The following LRRC34 variants were observed in gnomAD, a reference collection of about 807,000 sequenced individuals.
The protein encoded by LRRC34 is leucine-rich repeat-containing protein 34.
In LRRC34, 44 loss-of-function variants were observed where a neutral mutation model predicts 48.5. The observed-to-expected ratio is 0.91, with a 90% confidence interval of 0.71 to 1.17. The LOEUF (loss-of-function observed/expected upper bound fraction) is 1.17. LRRC34 is among the 50% of genes most tolerant of loss of function. The pLI, the probability that LRRC34 is intolerant of heterozygous loss-of-function variation, is 0.00. For missense variants in LRRC34, 502 were observed against 563.0 expected, an observed-to-expected ratio of 0.89 and a Z score of 1.10; for synonymous variants, 192 against 197.6, an observed-to-expected ratio of 0.97 and a Z score of 0.24.
chr3:169,807,327 C>A, intron 4 of LRRC34, 99 bp downstream of exon 4: 3 of 1,145,406 alleles, frequency 2.6e-6, no homozygotes, highest in South Asian at 1.3e-5. Flanking sequence ...AGAGTCAGGA[C>A]CCTTGACATC....
Position 169,796,309 on chromosome 3 carries a change from G to C in LRRC34, c.969C>G (p.Thr323=). Residue 323 remains threonine, a synonymous_variant, in exon 9 of 11, where the codon ACC becomes ACG. Coordinates refer to ENST00000446859, the MANE Select transcript of LRRC34 (RefSeq NM_001172779.2). ...TAAAGGAAAGATCTATTACTTCCAG[G>C]GTAGTGTTGCTTTTCAGTACATCAG... ...YLADVLKSNT[T]LEVIDLSFNR... is the part of the protein sequence containing the mutation. 3 of 1,611,982 alleles carry C rather than the reference G, an allele frequency of 1.9e-6. No individual in the cohort carries two copies. The highest frequency in any genetic ancestry group is 1.7e-6 in the Non-Finnish European group (2 of 1,179,292).
chr3:169,808,742 G>A lies in LRRC34; in HGVS notation c.143C>T (p.Ser48Phe), dbSNP rs1220276804. ...PGAALAVQRE[S>F]PESGLQKHYS... ...ATGTTTCTGGAGACCAGATTCTGGAGATTCTGAAAAATATATGCATCCTCT... is the reference window on the plus strand; with the variant it reads ...ATGTTTCTGGAGACCAGATTCTGGAAATTCTGAAAAATATATGCATCCTCT... The change falls in exon 2 of 11, where the codon TCT becomes TTT. Residue 48 changes from serine to phenylalanine, a missense_variant. Physicochemically the swap from Ser to Phe is radical, Grantham distance 155 (BLOSUM62 -2). Coordinates refer to ENST00000446859, the MANE Select transcript of LRRC34 (RefSeq NM_001172779.2). 7 of 1,531,834 alleles carry A rather than the reference G, an allele frequency of 4.6e-6. No individual in the cohort carries two copies. Among genetic ancestry groups the A allele is most frequent in the Non-Finnish European group, 3.6e-6 (4 of 1,116,468 alleles). 94.9% of individuals were successfully genotyped at this position (1,531,834 alleles called of 1,614,324 possible).
rs748213155 is a variant in LRRC34, at chr3:169,795,612, C to T, written c.1065-1G>A. On this transcript the variant is annotated splice_acceptor_variant, in intron 9 of 10. Coordinates refer to ENST00000446859, the MANE Select transcript of LRRC34 (RefSeq NM_001172779.2). LOFTEE classifies it high-confidence loss of function. Reference sequence around the variant, plus strand: ...TATGTTGTTGCTGACTACTGACAACCTGAAACCAATAATTCCACAAGGAAA... The same window carrying T: ...TATGTTGTTGCTGACTACTGACAACTTGAAACCAATAATTCCACAAGGAAA... 1.2e-6 allele frequency: 2 copies of T among 1,606,582 alleles called. No individual in the cohort carries two copies. Among genetic ancestry groups the T allele is most frequent in the East Asian group, 4.5e-5 (2 of 44,650 alleles).
chr3:169,793,757 A>G lies in LRRC34; in HGVS notation c.1273T>C (p.Tyr425His), dbSNP rs1452046295. ...VEPFVVDGRV[Y>H]LAEVSNGLKK... is the part of the protein sequence containing the mutation. ...AGGCCATTGGAGACTTCTGCAAGAT[A>G]TACACGTCCATCTACCACAAATGGC... Residue 425 changes from tyrosine (Y) to histidine (H), a missense_variant, in exon 11 of 11, where the codon TAT becomes CAT. Transcript: ENST00000446859. 6.2e-7 allele frequency: 1 copy of G among 1,613,550 alleles called. No individual in the cohort carries two copies. The highest frequency in any genetic ancestry group is 8.5e-7 in the Non-Finnish European group (1 of 1,179,726).
At position 169,812,595 on chromosome 3, in the gene LRRC34, T is replaced by C. The variant is rs1326614811; in HGVS notation, c.-47A>G. 7.0e-7 allele frequency: 1 copy of C among 1,421,466 alleles called. No homozygotes were observed. Among genetic ancestry groups the C allele is most frequent in the Non-Finnish European group, 9.1e-7 (1 of 1,094,986 alleles). 88.1% of individuals were successfully genotyped at this position (1,421,466 alleles called of 1,614,324 possible). ...AGTCCGCCTGCAGCTGTGAGGCGGCTACACGAGCCTCGGCGCCAGCCTGCT... is the reference window on the plus strand; with the variant it reads ...AGTCCGCCTGCAGCTGTGAGGCGGCCACACGAGCCTCGGCGCCAGCCTGCT... On this transcript the variant is annotated 5_prime_UTR_variant, in exon 1 of 11. Transcript: ENST00000446859. The surrounding 1 kb of genome is among the most constrained non-coding windows in gnomAD (Gnocchi z 4.3).
rs755897243 is a variant in LRRC34, at chr3:169,812,812, AAAG to A, written c.-267_-265del. The A allele has an allele frequency of 7.4e-5, 35 of 471,494 alleles. No individual in the cohort carries two copies. Among genetic ancestry groups the A allele is most frequent in the African/African-American group, 6.2e-5 (3 of 48,582 alleles). 29.2% of individuals were successfully genotyped at this position (471,494 alleles called of 1,614,324 possible). ...GCTGCTGAGCTAGGGCTGGGGCTACAAAGAAGATTATGACAAAGCCCGCTCCTA... is the reference window on the plus strand; with the variant it reads ...GCTGCTGAGCTAGGGCTGGGGCTACAAAGATTATGACAAAGCCCGCTCCTA... On this transcript the variant is annotated 5_prime_UTR_variant, in exon 1 of 11. Transcript: ENST00000446859. This position sits in a 1 kb window ranked among gnomAD's most constrained non-coding sequence, Gnocchi z 4.3.
chr3:169,793,416 G>C lies in LRRC34; in HGVS notation c.*219C>G, dbSNP rs1022358005. On this transcript the variant is annotated 3_prime_UTR_variant, in exon 11 of 11. Transcript: ENST00000446859. Reference sequence around the variant, plus strand: ...CTAGTTCCTTGGTCTCTTTCTCCAGGGTTAGAATTTTAGTCTCTATATTGT... The same window carrying C: ...CTAGTTCCTTGGTCTCTTTCTCCAGCGTTAGAATTTTAGTCTCTATATTGT... The C allele has an allele frequency of 7.3e-6, 3 of 409,216 alleles. No individual in the cohort carries two copies. Among genetic ancestry groups the C allele is most frequent in the African/African-American group, 6.2e-5 (3 of 48,530 alleles). 25.3% of individuals were successfully genotyped at this position (409,216 alleles called of 1,614,324 possible).
Position 169,795,613 on chromosome 3 carries a change from T to C in LRRC34, c.1065-2A>G. 6.2e-7 allele frequency: 1 copy of C among 1,606,440 alleles called. No individual in the cohort carries two copies. Among genetic ancestry groups the C allele is most frequent in the Non-Finnish European group, 8.5e-7 (1 of 1,175,170 alleles). On this transcript the variant is annotated splice_acceptor_variant, in intron 9 of 10. Coordinates refer to ENST00000446859, the MANE Select transcript of LRRC34 (RefSeq NM_001172779.2). LOFTEE classifies it high-confidence loss of function. ...ATGTTGTTGCTGACTACTGACAACC[T>C]GAAACCAATAATTCCACAAGGAAAG...
In LRRC34 at chr3:169,807,550, A is replaced by G. The variant is rs756336939; in HGVS notation, c.379+38T>C. The G allele has an allele frequency of 7.4e-6, 12 of 1,612,586 alleles. 1 individual carries two copies. Among genetic ancestry groups the G allele is most frequent in the East Asian group, 2.2e-5 (1 of 44,848 alleles). ...ATAAAGAATACTTAAAATCAGATCA[A>G]TGAAAAGCAGGAGGTATTGATTCTT... is the stretch of plus-strand genomic sequence containing the variant. On this transcript the variant is annotated intron_variant, in intron 3 of 10. Transcript: ENST00000446859.
intron 2 of LRRC34, 103 bp downstream of exon 2, chr3:169,808,524 CA>C: frequency 1.5e-6 from 1 of 660,194 alleles, no homozygotes; most frequent in East Asian, 2.7e-5. Context: ...TTCATTTTAC[CA>C]AGCATTTTCA....
intron 8 of LRRC34, 186 bp downstream of exon 8, chr3:169,796,559 G>T: frequency 2.3e-6 from 2 of 887,248 alleles, no homozygotes; most frequent in Non-Finnish European, 3.3e-6. Context: ...CAACTAAATT[G>T]CTCATTTATG....
In LRRC34 at chr3:169,796,974, A is replaced by G. The variant is rs1779015048; in HGVS notation, c.754-75T>C. On this transcript the variant is annotated intron_variant, in intron 7 of 10. Transcript: ENST00000446859. ...ATGTTTATTTCAGACATATGCTGTTATTTAAATTAGCTTTTTAAAAAGATT... is the reference window on the plus strand; with the variant it reads ...ATGTTTATTTCAGACATATGCTGTTGTTTAAATTAGCTTTTTAAAAAGATT... 4.3e-6 allele frequency: 5 copies of G among 1,157,120 alleles called. No individual in the cohort carries two copies. In the Middle Eastern group the frequency reaches 7.9e-4, roughly 184 times the overall value. 71.7% of individuals were successfully genotyped at this position (1,157,120 alleles called of 1,614,324 possible). A position where few individuals can be genotyped will look rare whatever the true frequency, so the allele number is the denominator to read the frequency against.
At chr3:169,808,848 T>C (rs1456343724) in intron 1 of LRRC34, 103 bp from the exon 2 acceptor site, 4 of 646,078 alleles carry the variant, frequency 6.2e-6, no homozygotes, top group South Asian at 3.6e-5. Flanking sequence ...TATGTGTGTA[T>C]AGTGGGGGTA....
chr3:169,793,096 G>A lies in LRRC34; in HGVS notation c.*539C>T, dbSNP rs1306297079. Reference sequence around the variant, plus strand: ...AGTCAGGATAGTGGTTATGAGAGGAGAGTGGGAGAGCTGGCAGCACTGGCT... The same window carrying A: ...AGTCAGGATAGTGGTTATGAGAGGAAAGTGGGAGAGCTGGCAGCACTGGCT... On this transcript the variant is annotated 3_prime_UTR_variant, in exon 11 of 11. Coordinates refer to ENST00000446859, the MANE Select transcript of LRRC34 (RefSeq NM_001172779.2). Among the ~76,000 whole-genome samples the A allele has an allele frequency of 6.6e-6, 1 of 152,190 alleles. No individual in the cohort carries two copies. Among genetic ancestry groups the A allele is most frequent in the Non-Finnish European group, 1.5e-5 (1 of 68,044 alleles).
rs571979799 is a variant in LRRC34, at chr3:169,796,874, C to T, written c.779G>A (p.Arg260His). 17 of 1,605,400 alleles carry T rather than the reference C, an allele frequency of 1.1e-5. No homozygotes were observed. The highest frequency in any genetic ancestry group is 1.6e-4 in the Middle Eastern group (1 of 6,062). The change falls in exon 8 of 11, where the codon CGC becomes CAC. Residue 260 changes from arginine to histidine, a missense_variant. Arg to His is a conservative substitution (Grantham distance 29). Coordinates refer to ENST00000446859, the MANE Select transcript of LRRC34 (RefSeq NM_001172779.2). ...AAGACAGTGATTTTCTTTCAACATG[C>T]GGCCTACATGGACTGTAGACTCTTC... ...EQEESTVHVG[R>H]MLKENHCLVA...
chr3:169,810,228 T>G (rs865814757), intron 1 of LRRC34, among the ~76,000 whole-genome samples: 1 of 152,080 alleles, frequency 6.6e-6, no homozygotes, highest in African/African-American at 2.4e-5. Context: ...GGTGAGCCAC[T>G]GAGCCCGACC....
At position 169,812,201 on chromosome 3, in the gene LRRC34, C is replaced by CG. The variant is rs1407328494; in HGVS notation, c.139+208dup. On this transcript the variant is annotated intron_variant, in intron 1 of 10. Coordinates refer to ENST00000446859, the MANE Select transcript of LRRC34 (RefSeq NM_001172779.2). The surrounding 1 kb of genome is among the most constrained non-coding windows in gnomAD (Gnocchi z 4.3). ...TCTCCGTGGACTCCTCTCCTGCCCC[C>CG]GGTCGCAAAGGGCGACCGGGGACTC... 6.6e-6 allele frequency among the ~76,000 whole-genome samples: 1 copy of CG among 151,532 alleles called. No individual in the cohort carries two copies. The highest frequency in any genetic ancestry group is 1.5e-5 in the Non-Finnish European group (1 of 67,932).
chr3:169,802,411 T>C (rs145502648), intron 6 of LRRC34, among the ~76,000 whole-genome samples: 1,929 of 152,270 alleles, frequency 0.013, 16 homozygotes, highest in Non-Finnish European at 0.019. Context: ...TCGTAAATAT[T>C]ACCTTAGTAA....
chr3:169,807,372 A>G, intron 4 of LRRC34, 54 bp downstream of exon 4: 1 of 1,488,020 alleles, frequency 6.7e-7, no homozygotes, highest in Non-Finnish European at 9.4e-7. Context: ...GTGTCATTAG[A>G]CTAATTGGTT....
Sources: allele counts gnomAD v4.1 joint callset (sites outside exome capture counted in the v4.1 genomes callset), GRCh38; gene constraint gnomAD v4.1.1; non-coding constraint Gnocchi (gnomAD v3.1); transcripts MANE v1.5; gene names NCBI Gene and HGNC (gene_info 2026-07-23, HGNC 2026-07-21).